Variants in RPS6KC1 observed in about 807,000 individuals in gnomAD.
RPS6KC1 encodes the protein ribosomal protein S6 kinase C1, also known as inactive ribosomal protein S6 kinase delta-1.
Under a neutral mutation model 103.8 loss-of-function variants are expected in RPS6KC1, and 54 were observed. The observed-to-expected ratio is 0.52, with a 90% CI of 0.42 to 0.65. RPS6KC1 has a LOEUF of 0.65. Ranked by LOEUF, RPS6KC1 falls within the 30% of genes least tolerant of loss-of-function variation. The pLI is 0.00. For missense variants in RPS6KC1, 1,151 were observed against 1,253.8 expected (o/e 0.92, Z 1.24); for synonymous variants, 439 against 438.7 (o/e 1.00, Z -0.01).
chr1:213,254,522 A>T (rs1040513041), intron 12 of RPS6KC1, among the ~76,000 whole-genome samples: 2 of 152,218 alleles, frequency 1.3e-5, no homozygotes, highest in African/African-American at 4.8e-5. Context: ...GAGGGAGAAG[A>T]AGTTATGAGA....
intron 3 of RPS6KC1, among the ~76,000 whole-genome samples, chr1:213,084,564 A>G: frequency 6.6e-6 from 1 of 152,240 alleles, no homozygotes; most frequent in South Asian, 2.1e-4. Context: ...CAATTTGAGT[A>G]AATTTAATAT....
At chr1:213,243,259 GC>G (rs1275801149) in intron 12 of RPS6KC1, among the ~76,000 whole-genome samples, 3 of 149,384 alleles carry the variant, frequency 2.0e-5, no homozygotes, top group Non-Finnish European at 4.4e-5. Context: ...ACGGGTGCAT[GC>G]CATTATTCCT....
At chr1:213,137,013 C>T (rs1433672094) in intron 6 of RPS6KC1, among the ~76,000 whole-genome samples, 2 of 152,266 alleles carry the variant, frequency 1.3e-5, no homozygotes, top group African/African-American at 4.8e-5. Flanking sequence ...TTTTTCTATT[C>T]CCATTCCTTA....
chr1:213,681,729 T>C, the RPS6KC1 span, among the ~76,000 whole-genome samples: 1 of 152,096 alleles, frequency 6.6e-6, no homozygotes, highest in Non-Finnish European at 1.5e-5. Context: ...ATATGGGAGT[T>C]TGAGGTTACA....
the RPS6KC1 span, among the ~76,000 whole-genome samples, chr1:213,297,999 A>G: frequency 6.6e-6 from 1 of 152,150 alleles, no homozygotes; most frequent in African/African-American, 2.4e-5. Context: ...TAGGCTTTGC[A>G]TTAGTCATCT....
chr1:213,118,039 A>AT (rs2083898369), intron 5 of RPS6KC1, among the ~76,000 whole-genome samples: 1 of 149,018 alleles, frequency 6.7e-6, no homozygotes, highest in Non-Finnish European at 1.5e-5. Context: ...AAAAAAAAAA[A>AT]GCCTTACTCA....
intron 6 of RPS6KC1, among the ~76,000 whole-genome samples, chr1:213,165,050 A>C (rs573158507): frequency 5.3e-5 from 8 of 152,068 alleles, no homozygotes; most frequent in Non-Finnish European, 1.0e-4. Context: ...CAATAATTTG[A>C]CTAGTTAGAA....
At chr1:213,399,004 C>A in the RPS6KC1 span, among the ~76,000 whole-genome samples, 1 of 152,126 alleles carries the variant, frequency 6.6e-6, no homozygotes, top group Non-Finnish European at 1.5e-5. Flanking sequence ...AAGACAAGTG[C>A]CTGTCCTCAA....
intron 8 of RPS6KC1, among the ~76,000 whole-genome samples, chr1:213,219,451 C>T (rs751588413): frequency 3.9e-5 from 6 of 152,148 alleles, no homozygotes; most frequent in Admixed American, 6.5e-5. Flanking sequence ...GTCAGTGTGG[C>T]GATTCCTCAG....
chr1:213,675,067 A>G, the RPS6KC1 span, among the ~76,000 whole-genome samples: 1 of 151,980 alleles, frequency 6.6e-6, no homozygotes, highest in Non-Finnish European at 1.5e-5. Context: ...GTTTGCAAAT[A>G]TTTTCTCTCA....
At chr1:213,712,708 G>A in the RPS6KC1 span, among the ~76,000 whole-genome samples, 8 of 152,178 alleles carry the variant, frequency 5.3e-5, no homozygotes, top group African/African-American at 1.9e-4. Context: ...TAGTATCTGG[G>A]CCGGATACCA....
chr1:213,096,380 A>G (rs568924134), intron 3 of RPS6KC1, among the ~76,000 whole-genome samples: 5 of 152,258 alleles, frequency 3.3e-5, no homozygotes, highest in African/African-American at 7.2e-5. Context: ...GAGGGTTACA[A>G]TCAGCTTCTA....
chr1:213,130,016 T>C (rs1248493184), intron 6 of RPS6KC1, 127 bp downstream of exon 6: 29 of 909,824 alleles, frequency 3.2e-5, no homozygotes, highest in South Asian at 3.7e-5. Flanking sequence ...TACTGAAGCT[T>C]AAAAGACCTA....
the RPS6KC1 span, among the ~76,000 whole-genome samples, chr1:213,549,726 G>C: frequency 2.2e-3 from 329 of 148,796 alleles, 3 homozygotes; most frequent in African/African-American, 7.9e-3. Flanking sequence ...TTCAGTAGAA[G>C]TGTGACCCTG....
At chr1:213,287,513 T>A in the RPS6KC1 span, among the ~76,000 whole-genome samples, 1 of 152,198 alleles carries the variant, frequency 6.6e-6, no homozygotes, top group African/African-American at 2.4e-5. Context: ...TGTACAACTT[T>A]ATGAAATGGA....
the RPS6KC1 span, among the ~76,000 whole-genome samples, chr1:213,593,423 C>T: frequency 6.6e-6 from 1 of 152,098 alleles, no homozygotes; most frequent in East Asian, 1.9e-4. Flanking sequence ...GGGAAAATGG[C>T]TCATAAAGTC....
chr1:213,784,603 G>C, the RPS6KC1 span, among the ~76,000 whole-genome samples: 3 of 152,194 alleles, frequency 2.0e-5, no homozygotes, highest in Non-Finnish European at 4.4e-5. Flanking sequence ...GCTGAAGGTT[G>C]CACAGCAAGT....
At chr1:213,749,387 A>T in the RPS6KC1 span, among the ~76,000 whole-genome samples, 1 of 152,292 alleles carries the variant, frequency 6.6e-6, no homozygotes, top group South Asian at 2.1e-4. Context: ...AGATTTCTGG[A>T]TATAGAACAG....
the RPS6KC1 span, among the ~76,000 whole-genome samples, chr1:213,507,663 T>C: frequency 6.6e-6 from 1 of 152,076 alleles, no homozygotes. Context: ...GGAATGGTTC[T>C]ATTACAGCAT....
Sources: gnomAD v4.1 joint callset for allele counts (sites outside exome capture counted in the v4.1 genomes callset) on GRCh38, gnomAD v4.1.1 for gene constraint, MANE v1.5 for transcripts, NCBI Gene and HGNC (gene_info 2026-07-23, HGNC 2026-07-21) for gene names.